PIGN: variants seen among roughly 807,000 people sequenced by gnomAD.
PIGN encodes the protein phosphatidylinositol glycan anchor biosynthesis class N.
A neutral mutation model predicts 125.4 loss-of-function variants in PIGN; 117 were observed. The ratio of observed to expected loss-of-function variants is 0.93; its 90% CI spans 0.80 to 1.09. The LOEUF (loss-of-function observed/expected upper bound fraction) is 1.09. Ranked by LOEUF, PIGN falls within the 50% of genes least tolerant of loss-of-function variation. The pLI is 0.00. For synonymous variants in PIGN, 392 were observed against 377.8 expected, an observed-to-expected ratio of 1.04 and a Z score of -0.44; for missense variants, 1,075 against 1,094.9, an observed-to-expected ratio of 0.98 and a Z score of 0.26.
chr18:62,081,713 T>C (rs867815807), intron 28 of PIGN, among the ~76,000 whole-genome samples: 35 of 152,276 alleles, frequency 2.3e-4, no homozygotes, highest in Admixed American at 4.6e-4. Flanking sequence ...GGAAAGTACA[T>C]GTCATTCACC....
chr18:62,106,439 A>G (rs933345184), intron 19 of PIGN, among the ~76,000 whole-genome samples: 1 of 151,726 alleles, frequency 6.6e-6, no homozygotes, highest in Non-Finnish European at 1.5e-5. Context: ...TGACTCACAG[A>G]GTGCAGACCC....
At chr18:62,099,134 TAAAAG>T (rs1418464546) in intron 22 of PIGN, among the ~76,000 whole-genome samples, 1 of 151,826 alleles carries the variant, frequency 6.6e-6, no homozygotes, top group South Asian at 2.1e-4. Flanking sequence ...CCTTTTTAGT[TAAAAG>T]AAAAAAAATT....
At chr18:62,175,573 CCT>C (rs2037496009) in intron 1 of PIGN, among the ~76,000 whole-genome samples, 1 of 152,160 alleles carries the variant, frequency 6.6e-6, no homozygotes, top group Non-Finnish European at 1.5e-5. Context: ...GCCCTGCATA[CCT>C]CTCTCACCTC....
intron 17 of PIGN, among the ~76,000 whole-genome samples, chr18:62,108,914 T>A (rs74550646): frequency 3.3e-5 from 5 of 152,146 alleles, no homozygotes; most frequent in Non-Finnish European, 5.9e-5. Flanking sequence ...TAATACATCA[T>A]GTTTTAAAAG....
At chr18:62,082,451 T>C (rs371039956) in intron 28 of PIGN, among the ~76,000 whole-genome samples, 2 of 152,174 alleles carry the variant, frequency 1.3e-5, no homozygotes, top group African/African-American at 4.8e-5. Context: ...TCTAATAACA[T>C]TTTATTGCTG....
At chr18:62,118,563 GGAAGTAGAGAATCCAAGA>G (rs1231843855) in intron 14 of PIGN, 2 of 152,184 alleles carry the variant, frequency 1.3e-5, no homozygotes, top group African/African-American at 4.8e-5. Flanking sequence ...GCTGCTGCCA[GGAAGTAGAGAATCCAAGA>G]GTCTTTGGCA....
intron 24 of PIGN, 124 bp from the exon 25 acceptor site, chr18:62,088,966 A>G (rs766663721): frequency 3.6e-4 from 208 of 585,474 alleles, no homozygotes; most frequent in Middle Eastern, 6.8e-4. Flanking sequence ...CAAAAAAATA[A>G]ACAATAAACA....
chr18:62,020,522 T>A (rs2030040442), intron 23 of PIGN, among the ~76,000 whole-genome samples: 1 of 150,260 alleles, frequency 6.7e-6, no homozygotes, highest in African/African-American at 2.4e-5. Flanking sequence ...TTTTTTTTAA[T>A]GGACTAAAGA....
At chr18:62,097,555 C>A (rs1208402106) in intron 22 of PIGN, among the ~76,000 whole-genome samples, 1 of 151,344 alleles carries the variant, frequency 6.6e-6, no homozygotes, top group Non-Finnish European at 1.5e-5. Context: ...ACCATTTGAC[C>A]CAGCCATCCC....
In PIGN at chr18:62,088,883, T is replaced by A. The variant is rs568543857; in HGVS notation, c.2284-41A>T. 1.2e-5 allele frequency: 14 copies of A among 1,188,014 alleles called. 1 individual carries two copies. In the South Asian group the frequency reaches 1.9e-4, roughly 16 times the overall value. 73.6% of individuals were successfully genotyped at this position (1,188,014 alleles called of 1,614,324 possible). A position where few individuals can be genotyped will look rare whatever the true frequency, so the allele number is the denominator to read the frequency against. The stretch of plus-strand genomic sequence containing the variant: ...AAAAATATTAATGCACAATAACAGT[T>A]GGCTTATTTCTATATTTGAAGGCAA... On this transcript the variant is annotated intron_variant, in intron 24 of 30. Coordinates refer to ENST00000640252, the MANE Select transcript of PIGN (RefSeq NM_176787.5).
At chr18:62,144,591 C>T (rs1221957761) in intron 10 of PIGN, among the ~76,000 whole-genome samples, 1 of 152,172 alleles carries the variant, frequency 6.6e-6, no homozygotes, top group Non-Finnish European at 1.5e-5. Flanking sequence ...CCTGCCCTAA[C>T]CTTCATATGA....
At chr18:62,133,807 A>T (rs78907870) in intron 14 of PIGN, among the ~76,000 whole-genome samples, 10,137 of 152,248 alleles carry the variant, frequency 0.067, 627 homozygotes, top group African/African-American at 0.16. Flanking sequence ...AATAAGTTTT[A>T]TCAAAGCAAT....
At position 62,142,868 on chromosome 18, in the gene PIGN, T is replaced by C. The variant is rs1042566498; in HGVS notation, c.963+438A>G. Among the ~76,000 whole-genome samples the C allele has an allele frequency of 2.6e-5, 4 of 152,222 alleles. No individual in the cohort carries two copies. The East Asian group carries it at 7.7e-4, about 29-fold the overall frequency. ...GAGTAATTTATAATCTCATCATTTT[T>C]TTCCCCATTGCATTTGTAAGGTTGC... On this transcript the variant is annotated intron_variant, in intron 11 of 30. Coordinates refer to ENST00000640252, the MANE Select transcript of PIGN (RefSeq NM_176787.5).
At chr18:62,173,643 T>C (rs2037415054) in intron 1 of PIGN, among the ~76,000 whole-genome samples, 1 of 152,230 alleles carries the variant, frequency 6.6e-6, no homozygotes, top group Admixed American at 6.5e-5. Context: ...AAAATGCAGA[T>C]AATACTGATG....
intron 28 of PIGN, among the ~76,000 whole-genome samples, chr18:62,077,367 T>C (rs970639785): frequency 6.6e-6 from 1 of 152,080 alleles, no homozygotes; most frequent in African/African-American, 2.4e-5. Context: ...AGTGAGACTC[T>C]GCCTCAAAAC....
At chr18:62,144,046 C>A (rs983066308) in intron 10 of PIGN, among the ~76,000 whole-genome samples, 4 of 152,088 alleles carry the variant, frequency 2.6e-5, no homozygotes, top group African/African-American at 7.2e-5. Context: ...TTTAAAAATA[C>A]GTTTCTGACT....
intron 7 of PIGN, chr18:62,154,125 A>C (rs961250006): frequency 5.5e-5 from 10 of 180,536 alleles, no homozygotes; most frequent in Middle Eastern, 2.3e-3. Flanking sequence ...TGCTTATCTA[A>C]TTTTTCTTTA....
At chr18:62,069,439 A>C in intron 30 of PIGN, 1 of 152,262 alleles carries the variant, frequency 6.6e-6, no homozygotes, top group East Asian at 1.9e-4. Context: ...CAACTCTAGT[A>C]TCCATTGACA....
At chr18:62,076,459 C>T (rs2033177186) in intron 28 of PIGN, among the ~76,000 whole-genome samples, 1 of 151,994 alleles carries the variant, frequency 6.6e-6, no homozygotes, top group African/African-American at 2.4e-5. Context: ...ATGTTCTCTT[C>T]CTCTTACTAG....
Sources: allele counts gnomAD v4.1 joint callset (sites outside exome capture counted in the v4.1 genomes callset), GRCh38; gene constraint gnomAD v4.1.1; transcripts MANE v1.5; gene names NCBI Gene and HGNC (gene_info 2026-07-23, HGNC 2026-07-21).